FCRL3: variants seen among roughly 807,000 people sequenced by gnomAD.
FCRL3 encodes Fc receptor-like protein 3.
In FCRL3, 89 loss-of-function variants were observed where a neutral mutation model predicts 75.0. That is an observed-to-expected ratio of 1.19 (90% CI 1.00 to 1.42). The LOEUF (loss-of-function observed/expected upper bound fraction) is 1.42. Among genes scored for constraint, FCRL3 ranks in the 40% most tolerant of loss-of-function variants. The pLI, the probability that FCRL3 is intolerant of heterozygous loss-of-function variation, is 0.00. For synonymous variants in FCRL3, 376 were observed against 348.5 expected (o/e 1.08, Z -0.88); for missense variants, 946 against 880.0 (o/e 1.07, Z -0.95).
At chr1:157,690,672 T>G in intron 8 of FCRL3, 139 bp from the exon 9 acceptor site, 8 of 1,019,750 alleles carry the variant, frequency 7.8e-6, no homozygotes, top group South Asian at 1.8e-5. Context: ...ATCCTGTCTC[T>G]ATCCTTTATT....
chr1:157,697,043 C>G, intron 6 of FCRL3, 97 bp downstream of exon 6: 1 of 1,197,032 alleles, frequency 8.4e-7, no homozygotes, highest in Admixed American at 3.0e-5. Context: ...CTGGACACTC[C>G]TCTCTGTTAT....
At chr1:157,694,136 A>T (rs571209471) in intron 8 of FCRL3, among the ~76,000 whole-genome samples, 145 of 152,330 alleles carry the variant, frequency 9.5e-4, no homozygotes, top group African/African-American at 3.4e-3. Flanking sequence ...TAACACACAA[A>T]TATATGTTAT....
chr1:157,680,576 C>T, intron 13 of FCRL3, 126 bp downstream of exon 13: 1 of 720,060 alleles, frequency 1.4e-6, no homozygotes, highest in Non-Finnish European at 2.4e-6. Flanking sequence ...CTACAGCTGA[C>T]ACTATGGGAG....
rs1429713554 is a variant in FCRL3, at chr1:157,700,739, A to T, written c.-174T>A. The T allele has an allele frequency of 7.1e-7, 1 of 1,401,110 alleles. No homozygotes were observed. The highest frequency in any genetic ancestry group is 2.7e-5 in the East Asian group (1 of 37,598). 86.8% of individuals were successfully genotyped at this position (1,401,110 alleles called of 1,614,324 possible). A position where few individuals can be genotyped will look rare whatever the true frequency, so the allele number is the denominator to read the frequency against. On this transcript the variant is annotated 5_prime_UTR_variant, in exon 1 of 15. Transcript: ENST00000368184. Reference sequence around the variant, plus strand: ...TTGGGGCTCATCTTCCATCAGCTGCAGTCTCTCAGGAGTAATGTCTCCAAG... The same window carrying T: ...TTGGGGCTCATCTTCCATCAGCTGCTGTCTCTCAGGAGTAATGTCTCCAAG...
rs778503488 is a variant in FCRL3 at position 157,689,782 on chromosome 1, G to A, written c.1810+16C>T. Reference sequence around the variant, plus strand: ...AACGGCAAAATCACATCACAAGGTAGGACCTAGACACCCACCTGGTTTCCT... The same window carrying A: ...AACGGCAAAATCACATCACAAGGTAAGACCTAGACACCCACCTGGTTTCCT... On this transcript the variant is annotated intron_variant, in intron 10 of 14. Transcript: ENST00000368184. The A allele has an allele frequency of 5.9e-5, 95 of 1,613,988 alleles. No individual in the cohort carries two copies. In the South Asian group the frequency reaches 6.9e-4, roughly 12 times the overall value.
At chr1:157,680,649 C>T (rs1306418253) in intron 13 of FCRL3, 53 bp downstream of exon 13, 10 of 1,486,288 alleles carry the variant, frequency 6.7e-6, no homozygotes, top group Admixed American at 3.4e-5. Flanking sequence ...ACCCCTTGCC[C>T]GTTTCAATAA....
Position 157,682,893 on chromosome 1 carries a change from G to A in FCRL3, c.1838+324C>T, listed in dbSNP as rs868327540. Among the ~76,000 whole-genome samples, 167 of 152,302 alleles carry A rather than the reference G, an allele frequency of 1.1e-3. 1 individual carries two copies. The Middle Eastern group carries it at 0.017, about 16-fold the overall frequency. ...ATTTCCCAAATGAGTGGAAGAATGA[G>A]GAAGAAGGAAATGAATGCACTGTAG... On this transcript the variant is annotated intron_variant, in intron 11 of 14. Coordinates refer to ENST00000368184, the MANE Select transcript of FCRL3 (RefSeq NM_052939.4).
rs370072050 is a variant in FCRL3, at chr1:157,699,713, C to G, written c.32-1G>C. The G allele has an allele frequency of 6.2e-7, 1 of 1,613,406 alleles. No homozygotes were observed. The highest frequency in any genetic ancestry group is 8.5e-7 in the Non-Finnish European group (1 of 1,179,734). On this transcript the variant is annotated splice_acceptor_variant, in intron 2 of 14. Transcript: ENST00000368184. LOFTEE classifies it high-confidence loss of function. ...TTACCTGATTGTTCTCTTCCAGGAG[C>G]TGTGAGGGAGCAGAAAATGACAATC...
Position 157,697,778 on chromosome 1 carries a change from T to A in FCRL3, c.440A>T (p.Glu147Val). ...GKQLPNSYNL[E>V]KITVNSVSRD... ...GGAGACTGAATTCACTGTGATCTTC[T>A]CTAAATTATAACTATTAGGAAGCTG... Residue 147 changes from glutamate (E) to valine (V), a missense_variant, in exon 5 of 15, where the codon GAG (glutamate) becomes GTG (valine). Coordinates refer to ENST00000368184, the MANE Select transcript of FCRL3 (RefSeq NM_052939.4). 6.2e-7 allele frequency: 1 copy of A among 1,614,158 alleles called. No individual in the cohort carries two copies. The highest frequency in any genetic ancestry group is 8.5e-7 in the Non-Finnish European group (1 of 1,180,020).
intron 8 of FCRL3, 130 bp from the exon 9 acceptor site, chr1:157,690,663 TC>T: frequency 8.8e-7 from 1 of 1,140,530 alleles, no homozygotes; most frequent in South Asian, 1.6e-5. Context: ...TGGGCTTCAA[TC>T]CTGTCTCTAT....
chr1:157,699,478 T>G, intron 3 of FCRL3, among the ~76,000 whole-genome samples: 1 of 150,256 alleles, frequency 6.7e-6, no homozygotes, highest in African/African-American at 2.5e-5. Flanking sequence ...TCCTGTAGTC[T>G]GAGGAATACC....
chr1:157,693,514 A>T (rs1227028338), intron 8 of FCRL3, among the ~76,000 whole-genome samples: 1 of 152,210 alleles, frequency 6.6e-6, no homozygotes. Flanking sequence ...GCAGTAACAG[A>T]CACTAAAACT....
Position 157,676,571 on chromosome 1 carries a change from A to G in FCRL3, c.*2139T>C. On this transcript the variant is annotated 3_prime_UTR_variant, in exon 15 of 15. Transcript: ENST00000368184. ...CTATGGGTTTTTAGTTGTGAATTCA[A>G]AGATAAAAGTCAAGTAGAGCACTGC... The G allele has an allele frequency of 1.3e-6, 1 of 749,244 alleles. No individual in the cohort carries two copies. Among genetic ancestry groups the G allele is most frequent in the Non-Finnish European group, 2.1e-6 (1 of 483,674 alleles). 46.4% of individuals were successfully genotyped at this position (749,244 alleles called of 1,614,324 possible). A position where few individuals can be genotyped will look rare whatever the true frequency, so the allele number is the denominator to read the frequency against.
chr1:157,693,331 C>T lies in FCRL3; in HGVS notation c.1411+1998G>A, dbSNP rs533462049. On this transcript the variant is annotated intron_variant, in intron 8 of 14. Transcript: ENST00000368184. The stretch of plus-strand genomic sequence containing the variant: ...CATGCAGCACTTCCTACTTACTTTA[C>T]AAGAACAACTAATGAACATCAACAA... 1.7e-4 allele frequency among the ~76,000 whole-genome samples: 24 copies of T among 144,978 alleles called. 1 individual carries two copies. The highest frequency in any genetic ancestry group is 1.6e-3 in the Admixed American group (23 of 14,510).
At chr1:157,683,192 G>A (rs886382740) in intron 11 of FCRL3, 25 bp downstream of exon 11, 6 of 1,605,960 alleles carry the variant, frequency 3.7e-6, no homozygotes, top group Admixed American at 1.7e-5. Flanking sequence ...GAAAATGTTG[G>A]CAGCACAAGA....
In FCRL3 at chr1:157,683,207, G is replaced by A; in HGVS notation, c.1838+10C>T. 1.9e-6 allele frequency: 3 copies of A among 1,612,754 alleles called. No homozygotes were observed. The highest frequency in any genetic ancestry group is 1.7e-4 in the Middle Eastern group (1 of 6,056). Reference sequence around the variant, plus strand: ...GAAAATGTTGGCAGCACAAGAAGCAGAGACCTCACCTAGATGTTCCAGTGG... The same window carrying A: ...GAAAATGTTGGCAGCACAAGAAGCAAAGACCTCACCTAGATGTTCCAGTGG... On this transcript the variant is annotated intron_variant, in intron 11 of 14. Coordinates refer to ENST00000368184, the MANE Select transcript of FCRL3 (RefSeq NM_052939.4).
Position 157,677,946 on chromosome 1 carries a change from T to TA in FCRL3, c.*763dup. ...ATATAGTAGGTTATTGTCTCGGGGT[T>TA]AATGGGTGCTTATAAGAATAAAACT... On this transcript the variant is annotated 3_prime_UTR_variant, in exon 15 of 15. Coordinates refer to ENST00000368184, the MANE Select transcript of FCRL3 (RefSeq NM_052939.4). 1.0e-6 allele frequency: 1 copy of TA among 984,904 alleles called. No individual in the cohort carries two copies. The highest frequency in any genetic ancestry group is 1.2e-6 in the Non-Finnish European group (1 of 829,508). The allele number at this position is 984,904 out of a possible 1,614,324, so 61.0% of individuals were successfully genotyped here.
At chr1:157,689,402 CTTTA>C (rs982653851) in intron 10 of FCRL3, among the ~76,000 whole-genome samples, 6 of 152,028 alleles carry the variant, frequency 3.9e-5, no homozygotes, top group South Asian at 2.1e-4. Flanking sequence ...TTTTGGCATT[CTTTA>C]TTTATTTTAT....
chr1:157,696,889 C>G, intron 6 of FCRL3: 1 of 326,096 alleles, frequency 3.1e-6, no homozygotes. Context: ...CATGAGAGAA[C>G]CGATCTTGTA....
Sources: gnomAD v4.1 joint callset for allele counts (sites outside exome capture counted in the v4.1 genomes callset) on GRCh38, gnomAD v4.1.1 for gene constraint, MANE v1.5 for transcripts, NCBI Gene and HGNC (gene_info 2026-07-23, HGNC 2026-07-21) for gene names.